GPR89A: variants seen among roughly 807,000 people sequenced by gnomAD.
GPR89A encodes the protein golgi pH regulator A.
A neutral mutation model predicts 52.0 loss-of-function variants in GPR89A; 16 were observed. The ratio of observed to expected loss-of-function variants is 0.31; its 90% confidence interval spans 0.21 to 0.47. The LOEUF is 0.47. Ranked by LOEUF, GPR89A falls within the 20% of genes least tolerant of loss-of-function variation. GPR89A has a pLI of 1.00. For missense variants in GPR89A, 135 were observed against 449.4 expected, an observed-to-expected ratio of 0.30 and a Z score of 6.33; for synonymous variants, 55 against 150.9, an observed-to-expected ratio of 0.36 and a Z score of 4.66.
At chr1:145,621,933 T>C (rs1272377122) in intron 3 of GPR89A, among the ~76,000 whole-genome samples, 1 of 141,752 alleles carries the variant, frequency 7.1e-6, no homozygotes, top group Admixed American at 7.0e-5. Flanking sequence ...AAATAACAAG[T>C]GTTGGCGAGG....
chr1:145,655,856 GC>G, intron 10 of GPR89A, among the ~76,000 whole-genome samples: 1 of 152,080 alleles, frequency 6.6e-6, no homozygotes, highest in South Asian at 2.1e-4. Flanking sequence ...CCTCTGGACT[GC>G]CCAGACCCTT....
At chr1:145,629,235 GA>G (rs1448609089) in intron 5 of GPR89A, among the ~76,000 whole-genome samples, 2 of 152,176 alleles carry the variant, frequency 1.3e-5, no homozygotes, top group Admixed American at 1.3e-4. Context: ...GTCAGCTTTG[GA>G]TGCTACTTTG....
At chr1:145,628,632 A>G (rs1188332112) in intron 5 of GPR89A, among the ~76,000 whole-genome samples, 7 of 152,026 alleles carry the variant, frequency 4.6e-5, no homozygotes, top group African/African-American at 1.5e-4. Flanking sequence ...TAGGATTGTT[A>G]TGAGGGTTAA....
intron 10 of GPR89A, among the ~76,000 whole-genome samples, chr1:145,660,376 C>G (rs1294139009): frequency 6.6e-6 from 1 of 152,188 alleles, no homozygotes; most frequent in East Asian, 1.9e-4. Flanking sequence ...CGTTACCATT[C>G]AGAACATAGG....
intron 12 of GPR89A, among the ~76,000 whole-genome samples, chr1:145,667,596 T>G (rs1282698212): frequency 4.6e-5 from 7 of 152,224 alleles, no homozygotes; most frequent in African/African-American, 1.7e-4. Flanking sequence ...TTTGTCAATT[T>G]TGGCTTTTGT....
At position 145,624,120 on chromosome 1, in the gene GPR89A, A is replaced by G; in HGVS notation, c.415+406A>G. ...GTATTTGGAGGTAAGGTATCAATAA[A>G]CTTTTATCAGATTTGGGTAGCAGAT... On this transcript the variant is annotated intron_variant, in intron 5 of 13. Transcript: ENST00000313835. Among the ~76,000 whole-genome samples the G allele has an allele frequency of 2.6e-5, 3 of 116,870 alleles. No individual in the cohort carries two copies. The South Asian group carries it at 9.4e-4, about 37-fold the overall frequency. The allele number at this position is 116,870 out of a possible 152,430, so 76.7% of individuals were successfully genotyped here.
At chr1:145,668,761 A>T (rs1553696919) in intron 12 of GPR89A, among the ~76,000 whole-genome samples, 2 of 152,174 alleles carry the variant, frequency 1.3e-5, no homozygotes, top group South Asian at 2.1e-4. Context: ...TACCTAATTT[A>T]TTGAGTTTTT....
At chr1:145,650,853 T>A (rs1182023369) in intron 10 of GPR89A, among the ~76,000 whole-genome samples, 3 of 152,222 alleles carry the variant, frequency 2.0e-5, no homozygotes, top group African/African-American at 7.2e-5. Flanking sequence ...GATTTTTTTC[T>A]TGTAAATTTC....
intron 7 of GPR89A, among the ~76,000 whole-genome samples, chr1:145,633,959 A>C (rs1316261918): frequency 6.6e-6 from 1 of 151,892 alleles, no homozygotes; most frequent in African/African-American, 2.4e-5. Flanking sequence ...AGACCTGGAC[A>C]CTGAAAACTA....
chr1:145,661,867 G>T (rs1243005758), intron 10 of GPR89A, among the ~76,000 whole-genome samples: 2 of 146,554 alleles, frequency 1.4e-5, no homozygotes, highest in African/African-American at 5.1e-5. Context: ...AAATGCTTTC[G>T]AGTTTCCCTT....
At position 145,647,176 on chromosome 1, in the gene GPR89A, A is replaced by T. The variant is rs1553692718; in HGVS notation, c.818A>T (p.Glu273Val). 1 of 1,567,580 alleles carries T rather than the reference A, an allele frequency of 6.4e-7. No homozygotes were observed. Among genetic ancestry groups the T allele is most frequent in the East Asian group, 2.3e-5 (1 of 43,608 alleles). The change falls in exon 10 of 14, where the codon GAG (glutamate) becomes GTG (valine). Residue 273 changes from glutamate to valine, a missense_variant and splice_region_variant. Around this residue, in one of 10 missense-constraint regions of GPR89A, gnomAD observed 23 missense variants for 42.2 expected, o/e 0.54. Coordinates refer to ENST00000313835, the MANE Select transcript of GPR89A (RefSeq NM_001097612.2). ...LETADLYATK[E>V]RIEYSKTFKG... ...TGTTTTGTGTTTGTTTTCCCCCAGG[A>T]GAGAATAGAATACTCCAAAACCTTC...
chr1:145,608,091 G>A lies in GPR89A; in HGVS notation c.-43G>A, dbSNP rs71618970. On this transcript the variant is annotated 5_prime_UTR_variant, in exon 1 of 14. Transcript: ENST00000313835. Reference sequence around the variant, plus strand: ...TGTGGCCCCAGCGTGCTGTGGCCTCGGGGAGTGGGAAGTGGAGGCAGGAGC... The same window carrying A: ...TGTGGCCCCAGCGTGCTGTGGCCTCAGGGAGTGGGAAGTGGAGGCAGGAGC... The A allele has an allele frequency of 1.2e-6, 2 of 1,612,028 alleles. No homozygotes were observed. The highest frequency in any genetic ancestry group is 8.5e-7 in the Non-Finnish European group (1 of 1,179,082).
At chr1:145,609,248 G>GT (rs1389680288) in intron 1 of GPR89A, among the ~76,000 whole-genome samples, 3 of 152,130 alleles carry the variant, frequency 2.0e-5, no homozygotes, top group African/African-American at 7.2e-5. Flanking sequence ...CTTTGATTCC[G>GT]TTTTTGTATT....
At chr1:145,615,845 C>T (rs1648645201) in intron 1 of GPR89A, among the ~76,000 whole-genome samples, 1 of 152,068 alleles carries the variant, frequency 6.6e-6, no homozygotes. Flanking sequence ...GTCTTGAACT[C>T]CTGGCTTCAG....
At chr1:145,655,352 GTGT>G (rs1157825850) in intron 10 of GPR89A, among the ~76,000 whole-genome samples, 2 of 151,438 alleles carry the variant, frequency 1.3e-5, no homozygotes, top group African/African-American at 4.9e-5. Flanking sequence ...TGCTGGAGAG[GTGT>G]TGTGATCATT....
At chr1:145,658,135 G>T (rs1224418943) in intron 10 of GPR89A, among the ~76,000 whole-genome samples, 2 of 151,672 alleles carry the variant, frequency 1.3e-5, no homozygotes, top group African/African-American at 4.9e-5. Flanking sequence ...ATTGTTTTAT[G>T]ATTGGCTTCT....
chr1:145,665,478 C>T, intron 11 of GPR89A, 84 bp from the exon 12 acceptor site: 2 of 1,580,546 alleles, frequency 1.3e-6, no homozygotes, highest in Middle Eastern at 2.3e-4. Context: ...CTCTCACAGT[C>T]ATGTAAATGA....
intron 10 of GPR89A, among the ~76,000 whole-genome samples, chr1:145,662,759 G>A (rs748144172): frequency 6.6e-6 from 1 of 152,154 alleles, no homozygotes; most frequent in Non-Finnish European, 1.5e-5. Flanking sequence ...GATTATTGAT[G>A]TGGTTGTTTC....
At chr1:145,612,712 C>T (rs587643011) in intron 1 of GPR89A, among the ~76,000 whole-genome samples, 1 of 152,218 alleles carries the variant, frequency 6.6e-6, no homozygotes, top group Admixed American at 6.5e-5. Flanking sequence ...ATAGTATTAT[C>T]AGTTTATCCT....
Sources: allele counts gnomAD v4.1 joint callset (sites outside exome capture counted in the v4.1 genomes callset), GRCh38; gene constraint gnomAD v4.1.1; regional missense constraint gnomAD v4.1.1; transcripts MANE v1.5; gene names NCBI Gene and HGNC (gene_info 2026-07-23, HGNC 2026-07-21).